TMEM268: variants seen among roughly 807,000 people sequenced by gnomAD.
The protein encoded by TMEM268 is transmembrane protein 268, also known as transmembrane protein C9orf91.
Under a neutral mutation model 39.1 loss-of-function variants are expected in TMEM268, and 24 were observed. The observed-to-expected ratio is 0.61, with a 90% confidence interval of 0.44 to 0.86. TMEM268 has a LOEUF of 0.86. Ranked by LOEUF, TMEM268 falls within the 40% of genes least tolerant of loss-of-function variation. TMEM268 has a pLI of 0.00. For synonymous variants in TMEM268, 176 were observed against 173.5 expected (o/e 1.01, Z -0.12); for missense variants, 409 against 428.6 (o/e 0.95, Z 0.40).
chr9:114,628,858 C>G (rs562204932), intron 5 of TMEM268, among the ~76,000 whole-genome samples: 2 of 152,218 alleles, frequency 1.3e-5, no homozygotes, highest in Non-Finnish European at 2.9e-5. Context: ...AGGTGGATAC[C>G]TCCCAGCTTG....
chr9:114,618,170 C>G (rs897362802), intron 2 of TMEM268, among the ~76,000 whole-genome samples: 1 of 152,158 alleles, frequency 6.6e-6, no homozygotes, highest in African/African-American at 2.4e-5. Flanking sequence ...AGCCACCACA[C>G]CTGGCCCCAG....
At position 114,645,829 on chromosome 9, in the gene TMEM268, C is replaced by G. The variant is rs541071100; in HGVS notation, c.*2516C>G. 3 of 152,242 alleles carry G rather than the reference C, an allele frequency of 2.0e-5. No homozygotes were observed. Among genetic ancestry groups the G allele is most frequent in the Non-Finnish European group, 4.4e-5 (3 of 68,032 alleles). The allele number at this position is 152,242 out of a possible 1,614,324, so 9.4% of individuals were successfully genotyped here. A position where few individuals can be genotyped will look rare whatever the true frequency, so the allele number is the denominator to read the frequency against. Reference sequence around the variant, plus strand: ...GGGTATGCCCACAATGTACATTTCTCGGCATCTGTGCCTCAGTTTCCTCAT... The same window carrying G: ...GGGTATGCCCACAATGTACATTTCTGGGCATCTGTGCCTCAGTTTCCTCAT... On this transcript the variant is annotated 3_prime_UTR_variant, in exon 9 of 9. Transcript: ENST00000288502.
At chr9:114,612,586 G>C (rs1321934684) in intron 1 of TMEM268, among the ~76,000 whole-genome samples, 1 of 152,234 alleles carries the variant, frequency 6.6e-6, no homozygotes, top group Non-Finnish European at 1.5e-5. Flanking sequence ...GGTTGAATGA[G>C]GGGCTGCAAG....
Position 114,638,601 on chromosome 9 carries a change from C to T in TMEM268, c.724C>T (p.Pro242Ser). The change falls in exon 8 of 9, where the codon CCT (proline) becomes TCT (serine). Residue 242 changes from proline (P) to serine (S), a missense_variant. Transcript: ENST00000288502. ...LCVVMETGVSPATAEGPENLE... is the reference protein window; with the variant it reads ...LCVVMETGVSSATAEGPENLE... ...TGTTGTCATGGAGACTGGGGTGAGC[C>T]CTGCAACAGCGGAGGGGCCTGAGAA... 6.2e-7 allele frequency: 1 copy of T among 1,608,690 alleles called. No homozygotes were observed. The highest frequency in any genetic ancestry group is 8.5e-7 in the Non-Finnish European group (1 of 1,177,806).
At chr9:114,609,078 G>C (rs1589318769), upstream of TMEM268, among the ~76,000 whole-genome samples, 1 of 152,182 alleles carries the variant, frequency 6.6e-6, no homozygotes, top group African/African-American at 2.4e-5. Flanking sequence ...GGGAGGCCAA[G>C]GCGGGTGGAT....
At chr9:114,622,928 T>C (rs1264141291) in intron 2 of TMEM268, among the ~76,000 whole-genome samples, 1 of 151,856 alleles carries the variant, frequency 6.6e-6, no homozygotes, top group Non-Finnish European at 1.5e-5. Context: ...GTGTCTCTAC[T>C]GAAATACAAA....
intron 2 of TMEM268, among the ~76,000 whole-genome samples, chr9:114,620,008 G>A (rs1845883241): frequency 6.6e-6 from 1 of 152,036 alleles, no homozygotes; most frequent in African/African-American, 2.4e-5. Context: ...GAGGTCAGGA[G>A]TTTGAGACCA....
the TMEM268 span, among the ~76,000 whole-genome samples, chr9:114,605,641 C>T: frequency 1.3e-5 from 2 of 152,058 alleles, no homozygotes; most frequent in Non-Finnish European, 2.9e-5. Context: ...TAACTTACGG[C>T]CGGGTGCAGT....
At chr9:114,617,759 T>C (rs1015753822) in intron 2 of TMEM268, among the ~76,000 whole-genome samples, 3 of 152,062 alleles carry the variant, frequency 2.0e-5, no homozygotes, top group South Asian at 4.1e-4. Flanking sequence ...TTTTGTAGAG[T>C]TGGGGCCTTA....
At chr9:114,607,308 G>T (rs1244907496), upstream of TMEM268, among the ~76,000 whole-genome samples, 1 of 152,172 alleles carries the variant, frequency 6.6e-6, no homozygotes, top group African/African-American at 2.4e-5. Flanking sequence ...TTTTGGGAAA[G>T]GGGACACTGA....
At position 114,643,286 on chromosome 9, in the gene TMEM268, A is replaced by C. The variant is rs1247207205; in HGVS notation, c.1002A>C (p.Thr334=). The change falls in exon 9 of 9, where the codon ACA becomes ACC. Residue 334 remains threonine, a synonymous_variant. Coordinates refer to ENST00000288502, the MANE Select transcript of TMEM268 (RefSeq NM_153045.4). ...TCATAGAAGCCTACATCCTAGGCAC[A>C]GGGTGCTGCCCGTTCCTGGCGAGGT... ...CQLIEAYILG[T]GCCPFLAR The C allele has an allele frequency of 7.4e-6, 12 of 1,614,134 alleles. No homozygotes were observed. Among genetic ancestry groups the C allele is most frequent in the Middle Eastern group, 1.6e-4 (1 of 6,062 alleles).
chr9:114,643,580 C>T lies in TMEM268; in HGVS notation c.*267C>T. ...CCCACCAAAGCTACTCTCTCTGCTG[C>T]TTAGAACTGTGGACACGTATGGAAA... On this transcript the variant is annotated 3_prime_UTR_variant, in exon 9 of 9. Coordinates refer to ENST00000288502, the MANE Select transcript of TMEM268 (RefSeq NM_153045.4). 2.4e-6 allele frequency: 1 copy of T among 425,222 alleles called. No individual in the cohort carries two copies. 26.3% of individuals were successfully genotyped at this position (425,222 alleles called of 1,614,324 possible). A position where few individuals can be genotyped will look rare whatever the true frequency, so the allele number is the denominator to read the frequency against.
At chr9:114,630,520 A>G (rs1047639419) in intron 5 of TMEM268, among the ~76,000 whole-genome samples, 1 of 152,202 alleles carries the variant, frequency 6.6e-6, no homozygotes, top group African/African-American at 2.4e-5. Context: ...TCTATGCCCA[A>G]CAACAACCTT....
rs150869243 is a variant in TMEM268 at position 114,627,701 on chromosome 9, G to A, written c.325-400G>A. 7.4e-4 allele frequency among the ~76,000 whole-genome samples: 113 copies of A among 152,266 alleles called. 2 individuals are homozygous for A. In the Middle Eastern group the frequency reaches 0.01, roughly 14 times the overall value. On this transcript the variant is annotated intron_variant, in intron 4 of 8. Coordinates refer to ENST00000288502, the MANE Select transcript of TMEM268 (RefSeq NM_153045.4). ...CCTTGTTAACCCTTATTACAATGCCGTGAAATAGGTGTTATTATCCCCATT... is the reference window on the plus strand; with the variant it reads ...CCTTGTTAACCCTTATTACAATGCCATGAAATAGGTGTTATTATCCCCATT...
In TMEM268 at chr9:114,624,455, T is replaced by G. The variant is rs1188106960; in HGVS notation, c.212T>G (p.Ile71Ser). 6.4e-7 allele frequency: 1 copy of G among 1,570,736 alleles called. No homozygotes were observed. Among genetic ancestry groups the G allele is most frequent in the Non-Finnish European group, 8.7e-7 (1 of 1,156,010 alleles). ...AAEEQLQTWG[I>S]QVPADQYRSL... Reference sequence around the variant, plus strand: ...GAAGAGCAACTGCAAACTTGGGGCATCCAGGTGAGTGCTGATTTCCTTGAA... The same window carrying G: ...GAAGAGCAACTGCAAACTTGGGGCAGCCAGGTGAGTGCTGATTTCCTTGAA... Residue 71 changes from isoleucine (I) to serine (S), a missense_variant, in exon 3 of 9, where the codon ATC becomes AGC. Transcript: ENST00000288502.
In TMEM268 at chr9:114,635,603, C is replaced by T. The variant is rs530919102; in HGVS notation, c.586-1387C>T. On this transcript the variant is annotated intron_variant, in intron 6 of 8. Transcript: ENST00000288502. ...CTGAGGTGGGAGGATCACCTGAGCG[C>T]GGGATGTCAAGGCTGCAGTGAGCTG... 2.1e-4 allele frequency among the ~76,000 whole-genome samples: 32 copies of T among 152,174 alleles called. No homozygotes were observed. In the East Asian group the frequency reaches 5.0e-3, roughly 24 times the overall value.
intron 5 of TMEM268, among the ~76,000 whole-genome samples, chr9:114,633,221 G>T (rs1224680053): frequency 6.6e-6 from 1 of 151,566 alleles, no homozygotes; most frequent in Non-Finnish European, 1.5e-5. Context: ...GAGTGCAGTG[G>T]CGTGATCTCT....
intron 2 of TMEM268, 42 bp from the exon 3 acceptor site, chr9:114,624,308 T>C: frequency 6.4e-7 from 1 of 1,561,202 alleles, no homozygotes; most frequent in East Asian, 2.4e-5. Flanking sequence ...GAGCCTGGTA[T>C]GGTTATCACT....
intron 2 of TMEM268, among the ~76,000 whole-genome samples, chr9:114,618,178 C>T (rs1845810544): frequency 6.6e-6 from 1 of 152,102 alleles, no homozygotes; most frequent in African/African-American, 2.4e-5. Flanking sequence ...CACCTGGCCC[C>T]AGATATCTTT....
Sources: gnomAD v4.1 joint callset for allele counts (sites outside exome capture counted in the v4.1 genomes callset) on GRCh38, gnomAD v4.1.1 for gene constraint, MANE v1.5 for transcripts, NCBI Gene and HGNC (gene_info 2026-07-23, HGNC 2026-07-21) for gene names.